The following RNF220 variants were observed in gnomAD, a reference collection of about 807,000 sequenced individuals.
RNF220 encodes ring finger protein 220, also known as E3 ubiquitin-protein ligase RNF220.
RNF220 carries 7 observed loss-of-function variants against 67.1 expected under a neutral mutation model. That is an observed-to-expected ratio of 0.10 (90% CI 0.06 to 0.20). RNF220 has a LOEUF of 0.20. Among genes scored for constraint, RNF220 ranks in the 10% least tolerant of loss-of-function variants. The probability of loss-of-function intolerance (pLI) is 1.00; values close to 1 mark genes in which losing one functional copy is unlikely to be tolerated. For synonymous variants in RNF220, 270 were observed against 283.2 expected (o/e 0.95, Z 0.47); for missense variants, 565 against 740.3 (o/e 0.76, Z 2.75).
intron 2 of RNF220, among the ~76,000 whole-genome samples, chr1:44,429,867 A>G (rs1650175379): frequency 6.6e-6 from 1 of 152,172 alleles, no homozygotes. Context: ...CAACTTAAGA[A>G]TTTATCCTGC....
At chr1:44,643,252 G>T (rs560452833) in intron 8 of RNF220, 14 of 152,298 alleles carry the variant, frequency 9.2e-5, no homozygotes, top group Non-Finnish European at 2.1e-4. Flanking sequence ...GAAGGATCAA[G>T]ACTCAGTGTT....
intron 2 of RNF220, among the ~76,000 whole-genome samples, chr1:44,455,507 T>G (rs1653089050): frequency 6.6e-6 from 1 of 152,166 alleles, no homozygotes. Context: ...GAAAAATTTA[T>G]GGGATGGAAA....
At chr1:44,469,551 T>C (rs557152532) in intron 2 of RNF220, among the ~76,000 whole-genome samples, 20 of 148,422 alleles carry the variant, frequency 1.3e-4, no homozygotes, top group African/African-American at 5.0e-4. Flanking sequence ...AGCAAGTTTA[T>C]TGGTATATTA....
chr1:44,596,159 G>A lies in RNF220; in HGVS notation c.626-18006G>A, dbSNP rs563203100. 7.9e-5 allele frequency among the ~76,000 whole-genome samples: 12 copies of A among 152,348 alleles called. No individual in the cohort carries two copies. The South Asian group carries it at 2.5e-3, about 32-fold the overall frequency. On this transcript the variant is annotated intron_variant, in intron 2 of 14. Coordinates refer to ENST00000361799, the MANE Select transcript of RNF220 (RefSeq NM_018150.4). Reference sequence around the variant, plus strand: ...CTAAAAAGCAACTCAAGGAAGGGGAGCAGGTAGGATATTTCTGGGATATTT... The same window carrying A: ...CTAAAAAGCAACTCAAGGAAGGGGAACAGGTAGGATATTTCTGGGATATTT...
At chr1:44,566,094 C>T (rs1399063008) in intron 2 of RNF220, among the ~76,000 whole-genome samples, 2 of 152,166 alleles carry the variant, frequency 1.3e-5, no homozygotes, top group African/African-American at 4.8e-5. Context: ...TTCAGTTACT[C>T]TGTCCCTCCC....
At chr1:44,548,921 C>T (rs272525) in intron 2 of RNF220, among the ~76,000 whole-genome samples, 9,991 of 152,052 alleles carry the variant, frequency 0.066, 563 homozygotes, top group East Asian at 0.28. Flanking sequence ...TATGATTGGC[C>T]GGGCGTGGTG....
intron 2 of RNF220, among the ~76,000 whole-genome samples, chr1:44,450,439 C>A (rs888037119): frequency 6.6e-6 from 1 of 152,164 alleles, no homozygotes; most frequent in Non-Finnish European, 1.5e-5. Context: ...TTACTCCCTT[C>A]CACAAACGTA....
At chr1:44,456,782 C>T (rs1653227471) in intron 2 of RNF220, among the ~76,000 whole-genome samples, 1 of 152,164 alleles carries the variant, frequency 6.6e-6, no homozygotes, top group African/African-American at 2.4e-5. Context: ...CTTATATTGC[C>T]ATGGCCTGCA....
chr1:44,561,433 C>T (rs767728101), intron 2 of RNF220, among the ~76,000 whole-genome samples: 4 of 152,006 alleles, frequency 2.6e-5, no homozygotes, highest in Non-Finnish European at 2.9e-5. Flanking sequence ...TGCTTGAACC[C>T]GGGAGGTGAA....
At position 44,423,790 on chromosome 1, in the gene RNF220, C is replaced by A. The variant is rs895051913; in HGVS notation, c.625+11068C>A. 8.2e-6 allele frequency: 8 copies of A among 972,006 alleles called. No homozygotes were observed. The African/African-American group carries it at 1.4e-4, about 17-fold the overall frequency. 60.2% of individuals were successfully genotyped at this position (972,006 alleles called of 1,614,324 possible). A position where few individuals can be genotyped will look rare whatever the true frequency, so the allele number is the denominator to read the frequency against. On this transcript the variant is annotated intron_variant, in intron 2 of 14. Coordinates refer to ENST00000361799, the MANE Select transcript of RNF220 (RefSeq NM_018150.4). The stretch of plus-strand genomic sequence containing the variant: ...GCACCCGGGATTCTTGGCAGAGTTT[C>A]TTGGCAAAGTTTCCTCTGGGAGGTG...
At chr1:44,404,785 C>A (rs989995290), upstream of RNF220, among the ~76,000 whole-genome samples, 2 of 152,046 alleles carry the variant, frequency 1.3e-5, no homozygotes, top group Non-Finnish European at 2.9e-5. Flanking sequence ...TAGTCAAAGA[C>A]CCAGAGAAGC....
rs1196040507 is a variant in RNF220, at chr1:44,557,146, G to A, written c.626-57019G>A. ...ATGTATATATATTTTATATACGTATGTATATATAATATATATACATATGTA... is the reference window on the plus strand; with the variant it reads ...ATGTATATATATTTTATATACGTATATATATATAATATATATACATATGTA... On this transcript the variant is annotated intron_variant, in intron 2 of 14. Coordinates refer to ENST00000361799, the MANE Select transcript of RNF220 (RefSeq NM_018150.4). 1.2e-4 allele frequency among the ~76,000 whole-genome samples: 17 copies of A among 145,150 alleles called. No homozygotes were observed. In the East Asian group the frequency reaches 3.3e-3, roughly 28 times the overall value.
At chr1:44,475,462 C>G (rs1295916061) in intron 2 of RNF220, among the ~76,000 whole-genome samples, 1 of 149,036 alleles carries the variant, frequency 6.7e-6, no homozygotes, top group Admixed American at 6.8e-5. Flanking sequence ...CCCAGCTACT[C>G]AGGAGGCTGA....
intron 2 of RNF220, among the ~76,000 whole-genome samples, chr1:44,602,025 G>A (rs1666957807): frequency 6.6e-6 from 1 of 152,144 alleles, no homozygotes; most frequent in African/African-American, 2.4e-5. Flanking sequence ...TTGGGAGTTG[G>A]GAGAAGGGAA....
chr1:44,568,194 G>A (rs868541829), intron 2 of RNF220, among the ~76,000 whole-genome samples: 4 of 152,070 alleles, frequency 2.6e-5, no homozygotes, highest in Non-Finnish European at 4.4e-5. Context: ...CTCCAGTAAC[G>A]AGCCCTCCCA....
At chr1:44,428,295 C>T (rs953229954) in intron 2 of RNF220, among the ~76,000 whole-genome samples, 3 of 152,294 alleles carry the variant, frequency 2.0e-5, no homozygotes, top group African/African-American at 7.2e-5. Context: ...GATAGCAAGT[C>T]TGTGGACCAT....
intron 2 of RNF220, among the ~76,000 whole-genome samples, chr1:44,602,516 T>C (rs1421072041): frequency 6.6e-6 from 1 of 152,046 alleles, no homozygotes; most frequent in Non-Finnish European, 1.5e-5. Context: ...GAGGTCATGC[T>C]GGGAAGGTAG....
chr1:44,404,872 A>AT (rs1647217605), upstream of RNF220, among the ~76,000 whole-genome samples: 1 of 152,188 alleles, frequency 6.6e-6, no homozygotes, highest in Admixed American at 6.5e-5. Flanking sequence ...TTTGGGGGTC[A>AT]TTTAAGCAGC....
At chr1:44,518,718 TA>T (rs1345550130) in intron 2 of RNF220, among the ~76,000 whole-genome samples, 1 of 151,744 alleles carries the variant, frequency 6.6e-6, no homozygotes, top group Non-Finnish European at 1.5e-5. Context: ...CTACTAAAAA[TA>T]CAAAAATTAG....
Sources: gnomAD v4.1 joint callset for allele counts (sites outside exome capture counted in the v4.1 genomes callset) on GRCh38, gnomAD v4.1.1 for gene constraint, MANE v1.5 for transcripts, NCBI Gene and HGNC (gene_info 2026-07-23, HGNC 2026-07-21) for gene names.